The following SLC30A7 variants were observed in gnomAD, a reference collection of about 807,000 sequenced individuals.
SLC30A7 encodes solute carrier family 30 member 7.
In SLC30A7, 35 loss-of-function variants were observed where a neutral mutation model predicts 46.0. The ratio of observed to expected loss-of-function variants is 0.76; its 90% confidence interval spans 0.58 to 1.01. The LOEUF is 1.01. Ranked by LOEUF, SLC30A7 falls within the 50% of genes least tolerant of loss-of-function variation. SLC30A7 has a pLI of 0.00. For missense variants in SLC30A7, 464 were observed against 451.1 expected (o/e 1.03, Z -0.26); for synonymous variants, 147 against 157.8 (o/e 0.93, Z 0.51).
At position 100,896,603 on chromosome 1, in the gene SLC30A7, G is replaced by T. The variant is rs151038612; in HGVS notation, c.114G>T (p.Leu38=). The part of the protein sequence containing the change: ...SILSDKTSRN[L]FFFLCLNLSF... ...TGTCCGACAAGACTTCCCGGAACCT[G>T]TTTTTCTTCCTGTGCCTGAACCTCT... Residue 38 remains leucine (L), a synonymous_variant, in exon 2 of 11, where the codon CTG becomes CTT. Coordinates refer to ENST00000357650, the MANE Select transcript of SLC30A7 (RefSeq NM_133496.5). 301 of 1,614,018 alleles carry T rather than the reference G, an allele frequency of 1.9e-4. No homozygotes were observed. Among genetic ancestry groups the T allele is most frequent in the Non-Finnish European group, 2.5e-4 (290 of 1,180,024 alleles).
In SLC30A7 at chr1:100,961,832, A is replaced by T. The variant is rs754216296; in HGVS notation, c.847A>T (p.Ile283Phe). ...LIAILIVVSV[I>F]PLLRESVGIL... ...TGTTGTCTTCCTTTTCCTTAGTGTTATTCCTCTTTTAAGAGAATCTGTTGG... is the reference window on the plus strand; with the variant it reads ...TGTTGTCTTCCTTTTCCTTAGTGTTTTTCCTCTTTTAAGAGAATCTGTTGG... Residue 283 changes from isoleucine to phenylalanine, a missense_variant, in exon 9 of 11, where the codon ATT becomes TTT. By Grantham distance (21) the Ile-to-Phe change is conservative. Transcript: ENST00000357650. 36 of 1,585,512 alleles carry T rather than the reference A, an allele frequency of 2.3e-5. No homozygotes were observed. Among genetic ancestry groups the T allele is most frequent in the Middle Eastern group, 1.7e-4 (1 of 5,988 alleles).
chr1:100,990,323 G>C, the SLC30A7 span: 7 of 1,259,616 alleles, frequency 5.6e-6, no homozygotes, highest in Non-Finnish European at 6.8e-6. Context: ...TAAAATTCAA[G>C]ATGAGACTTG....
At position 100,912,234 on chromosome 1, in the gene SLC30A7, C is replaced by T; in HGVS notation, c.507C>T (p.Gly169=). The T allele has an allele frequency of 1.9e-6, 3 of 1,613,618 alleles. No homozygotes were observed. The highest frequency in any genetic ancestry group is 1.3e-5 in the African/African-American group (1 of 75,010). The change falls in exon 5 of 11, where the codon GGC becomes GGT. Residue 169 remains glycine (G), a synonymous_variant. Transcript: ENST00000357650. ...ATGGAGGTCATGGACATTCTCATGG[C>T]TCTGGTATGATGGTTAGGACACTTT... The part of the protein sequence containing the change: ...FKHGGHGHSH[G]SGHGHSHSLF...
At chr1:100,924,352 CA>C (rs1422436524) in intron 8 of SLC30A7, among the ~76,000 whole-genome samples, 1 of 152,066 alleles carries the variant, frequency 6.6e-6, no homozygotes, top group Non-Finnish European at 1.5e-5. Flanking sequence ...GGGCTTTGCT[CA>C]TATTTCCTCT....
chr1:100,992,555 T>TACTA, the SLC30A7 span: 1 of 919,444 alleles, frequency 1.1e-6, no homozygotes, highest in South Asian at 1.8e-5. Context: ...GCTTCCATAG[T>TACTA]GGTATGAGAT....
At chr1:100,933,310 T>C (rs1012937245) in intron 8 of SLC30A7, among the ~76,000 whole-genome samples, 1 of 152,138 alleles carries the variant, frequency 6.6e-6, no homozygotes. Context: ...TTGTTATTTA[T>C]GGAAGATACT....
downstream of SLC30A7, among the ~76,000 whole-genome samples, chr1:100,982,552 C>A (rs1413631015): frequency 6.6e-6 from 1 of 152,204 alleles, no homozygotes; most frequent in African/African-American, 2.4e-5. Context: ...CCTGTCACCT[C>A]CATTTCCTGA....
chr1:100,993,419 G>A, the SLC30A7 span, among the ~76,000 whole-genome samples: 2 of 151,138 alleles, frequency 1.3e-5, no homozygotes, highest in Admixed American at 6.6e-5. Flanking sequence ...TGGCTTGGTG[G>A]CGCACGCCTG....
chr1:100,905,959 A>G (rs1166986689), intron 2 of SLC30A7, among the ~76,000 whole-genome samples: 7 of 152,152 alleles, frequency 4.6e-5, no homozygotes, highest in Non-Finnish European at 1.0e-4. Flanking sequence ...TGAGTGCTGG[A>G]CATTCTGTTT....
rs1299486976 is a variant in SLC30A7, at chr1:100,923,055, G to A, written c.842+1214G>A. Among the ~76,000 whole-genome samples, 8 of 76,042 alleles carry A rather than the reference G, an allele frequency of 1.1e-4. No individual in the cohort carries two copies. In the East Asian group the frequency reaches 1.2e-3, roughly 12 times the overall value. The allele number at this position is 76,042 out of a possible 152,430, so 49.9% of individuals were successfully genotyped here. On this transcript the variant is annotated intron_variant, in intron 8 of 10. Coordinates refer to ENST00000357650, the MANE Select transcript of SLC30A7 (RefSeq NM_133496.5). ...TTTTTTGAGACGGAGTCTCGCTGTC[G>A]CCCAGGCTGGAGTGCAGTGGCGCAA...
At chr1:100,982,852 C>T (rs1657028300), downstream of SLC30A7, among the ~76,000 whole-genome samples, 1 of 152,288 alleles carries the variant, frequency 6.6e-6, no homozygotes, top group African/African-American at 2.4e-5. Context: ...ATTGAGACTC[C>T]CTACCTATCC....
rs79305965 is a variant in SLC30A7 at position 100,922,601 on chromosome 1, G to A, written c.842+760G>A. ...ATGCTACCTGAAATGAATTATGTCC[G>A]TCTTCCCATCTGGCTTACAAAATTC... On this transcript the variant is annotated intron_variant, in intron 8 of 10. Coordinates refer to ENST00000357650, the MANE Select transcript of SLC30A7 (RefSeq NM_133496.5). 5.5e-3 allele frequency among the ~76,000 whole-genome samples: 841 copies of A among 152,174 alleles called. 2 individuals are homozygous for A. The highest frequency in any genetic ancestry group is 0.019 in the African/African-American group (799 of 41,522).
intron 6 of SLC30A7, among the ~76,000 whole-genome samples, chr1:100,915,147 C>G (rs1398784120): frequency 1.1e-5 from 1 of 94,710 alleles, no homozygotes; most frequent in Non-Finnish European, 2.3e-5. Context: ...CTTTCTTTCC[C>G]TCCCTCCCTT....
At chr1:100,966,887 C>A (rs935493474) in intron 10 of SLC30A7, among the ~76,000 whole-genome samples, 1 of 152,172 alleles carries the variant, frequency 6.6e-6, no homozygotes, top group Non-Finnish European at 1.5e-5. Flanking sequence ...TGGTCACCTA[C>A]TGAGTGATTT....
chr1:100,967,015 T>C (rs1655907491), intron 10 of SLC30A7, among the ~76,000 whole-genome samples: 1 of 152,254 alleles, frequency 6.6e-6, no homozygotes, highest in Admixed American at 6.5e-5. Flanking sequence ...TGAGTTAACA[T>C]AGCTATGTAA....
chr1:100,915,240 T>TCTTTCTTTCTTTCTTC, intron 6 of SLC30A7, among the ~76,000 whole-genome samples: 1 of 146,594 alleles, frequency 6.8e-6, no homozygotes, highest in East Asian at 2.0e-4. Context: ...TTTCTTTCTT[T>TCTTTCTTTCTTTCTTC]CTTTCTTTCT....
At chr1:100,927,003 TC>T in intron 8 of SLC30A7, among the ~76,000 whole-genome samples, 1 of 152,236 alleles carries the variant, frequency 6.6e-6, no homozygotes, top group Non-Finnish European at 1.5e-5. Context: ...TGAGGGAACT[TC>T]AAGTATAAAC....
rs186756447 is a variant in SLC30A7, at chr1:100,969,171, A to T, written c.1083+3253A>T. Among the ~76,000 whole-genome samples the T allele has an allele frequency of 6.3e-3, 961 of 152,322 alleles. 15 individuals carry two copies. The highest frequency in any genetic ancestry group is 0.02 in the African/African-American group (833 of 41,566). ...TTTTAACAACCAGGTGTCTTTCTTA[A>T]CAGACACTGTAAGTCTATATCATGA... On this transcript the variant is annotated intron_variant, in intron 10 of 10. Coordinates refer to ENST00000357650, the MANE Select transcript of SLC30A7 (RefSeq NM_133496.5).
intron 8 of SLC30A7, among the ~76,000 whole-genome samples, chr1:100,956,730 G>A (rs1245007653): frequency 6.6e-6 from 1 of 152,106 alleles, no homozygotes; most frequent in Admixed American, 6.6e-5. Flanking sequence ...TATGCCTTCT[G>A]TTGCAGTTGA....
Sources: allele counts gnomAD v4.1 joint callset (sites outside exome capture counted in the v4.1 genomes callset), GRCh38; gene constraint gnomAD v4.1.1; transcripts MANE v1.5; gene names NCBI Gene and HGNC (gene_info 2026-07-23, HGNC 2026-07-21).